SMYD2: variants seen among roughly 807,000 people sequenced by gnomAD.
SMYD2 encodes SET and MYND domain containing 2.
In SMYD2, 53 loss-of-function variants were observed where a neutral mutation model predicts 59.1. The observed-to-expected ratio is 0.90, with a 90% CI of 0.72 to 1.13. The LOEUF (loss-of-function observed/expected upper bound fraction) is 1.13, where lower values mean the gene tolerates loss of function less well. Ranked by LOEUF, SMYD2 falls within the 50% of genes most tolerant of loss-of-function variation. The pLI, the probability that SMYD2 is intolerant of heterozygous loss-of-function variation, is 0.00. For synonymous variants in SMYD2, 208 were observed against 198.8 expected (o/e 1.05, Z -0.39); for missense variants, 494 against 544.7 (o/e 0.91, Z 0.93).
At chr1:214,309,029 A>T (rs936096351) in intron 2 of SMYD2, among the ~76,000 whole-genome samples, 1 of 152,068 alleles carries the variant, frequency 6.6e-6, no homozygotes, top group African/African-American at 2.4e-5. Context: ...CTTCCTGGGG[A>T]TTTCCTCTTT....
chr1:214,303,580 C>A (rs928233805), intron 1 of SMYD2, among the ~76,000 whole-genome samples: 6 of 152,214 alleles, frequency 3.9e-5, no homozygotes, highest in Non-Finnish European at 8.8e-5. Context: ...ACGCGTTTTT[C>A]TCCCACATTC....
intron 1 of SMYD2, among the ~76,000 whole-genome samples, chr1:214,284,294 C>G (rs190433606): frequency 0.012 from 1,235 of 107,280 alleles, 12 homozygotes; most frequent in African/African-American, 0.042. Context: ...GAGTTTCGCT[C>G]TTGTTGCCCA....
intron 1 of SMYD2, among the ~76,000 whole-genome samples, chr1:214,289,472 C>G (rs1470888332): frequency 6.6e-6 from 1 of 152,134 alleles, no homozygotes; most frequent in African/African-American, 2.4e-5. Context: ...CCACACACAT[C>G]TTTTTTTGGA....
intron 10 of SMYD2, 68 bp downstream of exon 10, chr1:214,332,260 G>T: frequency 6.5e-7 from 1 of 1,543,048 alleles, no homozygotes; most frequent in South Asian, 1.2e-5. Context: ...ATACGATAGT[G>T]TCATCTTCCT....
intron 5 of SMYD2, among the ~76,000 whole-genome samples, chr1:214,324,139 G>A (rs781275450): frequency 1.3e-5 from 2 of 151,980 alleles, no homozygotes; most frequent in Non-Finnish European, 2.9e-5. Context: ...GTTTCTCCAT[G>A]TTGGTCAGGC....
intron 6 of SMYD2, 70 bp from the exon 7 acceptor site, chr1:214,327,552 A>T: frequency 8.2e-7 from 1 of 1,219,220 alleles, no homozygotes; most frequent in Non-Finnish European, 1.2e-6. Flanking sequence ...CTTAGCAAGT[A>T]AGTAGTGAAG....
chr1:214,294,497 G>A (rs1415951935), intron 1 of SMYD2, among the ~76,000 whole-genome samples: 4 of 152,252 alleles, frequency 2.6e-5, no homozygotes, highest in Admixed American at 6.5e-5. Flanking sequence ...GTGAAACCCC[G>A]TCTCTACTAA....
chr1:214,330,142 A>C lies in SMYD2; in HGVS notation c.706-26A>C, dbSNP rs370002102. 4,408 of 1,489,802 alleles carry C rather than the reference A, an allele frequency of 3.0e-3. 141 individuals are homozygous for C. In the South Asian group the frequency reaches 0.048, roughly 16 times the overall value. 92.3% of individuals were successfully genotyped at this position (1,489,802 alleles called of 1,614,324 possible). A position where few individuals can be genotyped will look rare whatever the true frequency, so the allele number is the denominator to read the frequency against. ...GATTGAGTTTACCTGTAGCAGACTGAAGCTTTATCTTTTTGGACCCCGTAG... is the reference window on the plus strand; with the variant it reads ...GATTGAGTTTACCTGTAGCAGACTGCAGCTTTATCTTTTTGGACCCCGTAG... On this transcript the variant is annotated intron_variant, in intron 7 of 11. Coordinates refer to ENST00000366957, the MANE Select transcript of SMYD2 (RefSeq NM_020197.3).
intron 1 of SMYD2, among the ~76,000 whole-genome samples, chr1:214,297,535 G>T (rs952132303): frequency 2.0e-5 from 3 of 152,028 alleles, no homozygotes; most frequent in Non-Finnish European, 4.4e-5. Context: ...AGCAATAGTC[G>T]AACACTCATA....
chr1:214,281,548 G>C, intron 1 of SMYD2, 121 bp downstream of exon 1: 1 of 845,038 alleles, frequency 1.2e-6, no homozygotes, highest in Non-Finnish European at 1.5e-6. Context: ...TTGGGGCGGG[G>C]TGGGGGGCGG....
intron 2 of SMYD2, among the ~76,000 whole-genome samples, chr1:214,306,395 G>A (rs762560091): frequency 2.0e-5 from 3 of 152,150 alleles, no homozygotes; most frequent in East Asian, 1.9e-4. Context: ...CAGGGACAGC[G>A]GCCCCTCCCC....
In SMYD2 at chr1:214,281,309, C is replaced by T. The variant is rs1254331821; in HGVS notation, c.55C>T (p.Arg19Trp). The T allele has an allele frequency of 2.9e-6, 4 of 1,398,520 alleles. No individual in the cohort carries two copies. Among genetic ancestry groups the T allele is most frequent in the African/African-American group, 1.5e-5 (1 of 67,172 alleles). The allele number at this position is 1,398,520 out of a possible 1,614,324, so 86.6% of individuals were successfully genotyped here. The change falls in exon 1 of 12, where the codon CGG becomes TGG. Residue 19 changes from arginine (R) to tryptophan (W), a missense_variant. Arg to Trp is a moderately radical substitution (Grantham distance 101). Coordinates refer to ENST00000366957, the MANE Select transcript of SMYD2 (RefSeq NM_020197.3). ...GCGCTTCTGCAGCCCGGGCAAAGGC[C>T]GGGGGCTGCGGGCTCTGCAGCCCTT... The part of the protein sequence containing the change: ...LERFCSPGKG[R>W]GLRALQPFQV...
At chr1:214,332,648 C>T (rs751492270) in intron 10 of SMYD2, 23 of 153,428 alleles carry the variant, frequency 1.5e-4, no homozygotes, top group Non-Finnish European at 2.8e-4. Context: ...GTGGGTTGAC[C>T]GTGGTTATCT....
At position 214,329,306 on chromosome 1, in the gene SMYD2, G is replaced by A. The variant is rs560278579; in HGVS notation, c.706-862G>A. On this transcript the variant is annotated intron_variant, in intron 7 of 11. Coordinates refer to ENST00000366957, the MANE Select transcript of SMYD2 (RefSeq NM_020197.3). ...GCCCCTGCAGCACCCAGCCCTGTGC[G>A]TGTCCTCCCCTGCCTGCCTGGTGGT... is the stretch of plus-strand genomic sequence containing the variant. 1.7e-4 allele frequency among the ~76,000 whole-genome samples: 26 copies of A among 152,252 alleles called. No homozygotes were observed. The South Asian group carries it at 5.2e-3, about 30-fold the overall frequency.
At chr1:214,314,257 A>G (rs966316549) in intron 2 of SMYD2, among the ~76,000 whole-genome samples, 2 of 152,114 alleles carry the variant, frequency 1.3e-5, no homozygotes, top group African/African-American at 2.4e-5. Context: ...AAATCTTTCC[A>G]GTGGTTGCCC....
chr1:214,334,309 G>T lies in SMYD2; in HGVS notation c.1221+1G>T. 6.2e-7 allele frequency: 1 copy of T among 1,612,998 alleles called. No homozygotes were observed. Reference sequence around the variant, plus strand: ...CGCAGGGGAGAAAGCCCTGAAGAAGGTATGTCTGTAACTCGGCCTTAGGAT... The same window carrying T: ...CGCAGGGGAGAAAGCCCTGAAGAAGTTATGTCTGTAACTCGGCCTTAGGAT... On this transcript the variant is annotated splice_donor_variant, in intron 11 of 11. Transcript: ENST00000366957. LOFTEE classifies it high-confidence loss of function.
chr1:214,292,709 C>T (rs773725897), intron 1 of SMYD2, among the ~76,000 whole-genome samples: 1 of 152,122 alleles, frequency 6.6e-6, no homozygotes, highest in Non-Finnish European at 1.5e-5. Flanking sequence ...TCTTCATTGA[C>T]TCCCTGCTTT....
intron 11 of SMYD2, among the ~76,000 whole-genome samples, chr1:214,336,403 G>A (rs983071721): frequency 6.6e-6 from 1 of 152,138 alleles, no homozygotes; most frequent in African/African-American, 2.4e-5. Context: ...ATGGTGGTGG[G>A]CGCCTGTGGT....
At chr1:214,330,878 A>G (rs1238943998) in intron 8 of SMYD2, 72 bp from the exon 9 acceptor site, 2 of 1,606,852 alleles carry the variant, frequency 1.2e-6, no homozygotes, top group East Asian at 2.2e-5. Context: ...AATGTGTATT[A>G]TATGAGAGGT....
Sources: allele counts gnomAD v4.1 joint callset (sites outside exome capture counted in the v4.1 genomes callset), GRCh38; gene constraint gnomAD v4.1.1; transcripts MANE v1.5; gene names NCBI Gene and HGNC (gene_info 2026-07-23, HGNC 2026-07-21).